S100Z: variants seen among roughly 807,000 people sequenced by gnomAD.
S100Z encodes S100 calcium binding protein Z.
S100Z carries 11 observed loss-of-function variants against 8.5 expected under a neutral mutation model. The observed-to-expected ratio is 1.30, with a 90% CI of 0.82 to 2.15. S100Z has a LOEUF of 2.15. Ranked by LOEUF, S100Z falls within the 30% of genes most tolerant of loss-of-function variation. The pLI is 0.00. For missense variants in S100Z, 126 were observed against 117.9 expected (o/e 1.07, Z -0.32); for synonymous variants, 34 against 43.8 (o/e 0.78, Z 0.89).
intron 1 of S100Z, among the ~76,000 whole-genome samples, chr5:76,862,124 A>AGTGT (rs374825870): frequency 0.33 from 45,659 of 138,280 alleles, 7,254 homozygotes; most frequent in South Asian, 0.5. Context: ...AGGGATAAGG[A>AGTGT]GTGTGCGTGT....
intron 4 of S100Z, among the ~76,000 whole-genome samples, chr5:76,913,717 C>T (rs1393801349): frequency 6.6e-6 from 1 of 152,240 alleles, no homozygotes; most frequent in East Asian, 1.9e-4. Context: ...TCTTCGGCGG[C>T]AGTGACTCTC....
chr5:76,903,875 C>T (rs1176710560), intron 4 of S100Z, among the ~76,000 whole-genome samples: 1 of 151,688 alleles, frequency 6.6e-6, no homozygotes, highest in African/African-American at 2.4e-5. Context: ...CAGGCGCCCG[C>T]CACCACGCCT....
intron 4 of S100Z, among the ~76,000 whole-genome samples, chr5:76,889,581 G>A (rs901974448): frequency 6.6e-6 from 1 of 152,168 alleles, no homozygotes; most frequent in African/African-American, 2.4e-5. Flanking sequence ...TATTAACACA[G>A]AGAAATAAAT....
At chr5:76,852,059 TAA>T (rs200830665) in intron 1 of S100Z, among the ~76,000 whole-genome samples, 19,299 of 145,290 alleles carry the variant, frequency 0.13, 2,705 homozygotes, top group African/African-American at 0.36. Flanking sequence ...CTTTTTCTTT[TAA>T]AAAAAAAAAA....
At chr5:76,908,541 C>G (rs1744537588) in intron 4 of S100Z, among the ~76,000 whole-genome samples, 1 of 152,204 alleles carries the variant, frequency 6.6e-6, no homozygotes, top group Non-Finnish European at 1.5e-5. Flanking sequence ...CTCCTTTTGG[C>G]ACCTGGGCTC....
chr5:76,854,919 T>C (rs898675434), intron 1 of S100Z, among the ~76,000 whole-genome samples: 1 of 152,234 alleles, frequency 6.6e-6, no homozygotes, highest in African/African-American at 2.4e-5. Flanking sequence ...GTAAGCAGGC[T>C]TGGGACACTG....
downstream of S100Z, among the ~76,000 whole-genome samples, chr5:76,923,352 A>G (rs192461445): frequency 9.8e-5 from 15 of 152,298 alleles, no homozygotes; most frequent in East Asian, 2.9e-3. Context: ...TCTATCACCT[A>G]TATCTCCATC....
At chr5:76,907,568 G>C (rs1413690960) in intron 4 of S100Z, among the ~76,000 whole-genome samples, 1 of 152,192 alleles carries the variant, frequency 6.6e-6, no homozygotes, top group African/African-American at 2.4e-5. Flanking sequence ...CTCCCAAAGT[G>C]CTGGGATTAC....
chr5:76,871,618 G>C (rs961772129), intron 2 of S100Z, among the ~76,000 whole-genome samples: 2 of 148,760 alleles, frequency 1.3e-5, no homozygotes, highest in African/African-American at 5.0e-5. Flanking sequence ...CACCTCCCAA[G>C]TTCAAGTGAT....
chr5:76,895,566 G>A (rs556881071), intron 4 of S100Z, among the ~76,000 whole-genome samples: 88 of 151,860 alleles, frequency 5.8e-4, no homozygotes, highest in African/African-American at 1.9e-3. Flanking sequence ...AAAATTTTTT[G>A]TGGGTATATA....
chr5:76,861,935 AT>A (rs920212484), intron 1 of S100Z, among the ~76,000 whole-genome samples: 2 of 151,276 alleles, frequency 1.3e-5, no homozygotes, highest in East Asian at 1.9e-4. Flanking sequence ...ATGGTTAGGG[AT>A]TTTTTTTTCC....
At chr5:76,875,723 G>A (rs1200235076) in intron 3 of S100Z, among the ~76,000 whole-genome samples, 1 of 152,132 alleles carries the variant, frequency 6.6e-6, no homozygotes, top group Non-Finnish European at 1.5e-5. Flanking sequence ...TTTCTAAGTG[G>A]TAAAAATTGT....
intron 4 of S100Z, among the ~76,000 whole-genome samples, chr5:76,909,694 C>G (rs1744581750): frequency 6.6e-6 from 1 of 152,178 alleles, no homozygotes; most frequent in Admixed American, 6.5e-5. Context: ...CCCCTTCAAG[C>G]TGTAGGGGGA....
At chr5:76,877,207 T>G (rs1449634380) in intron 3 of S100Z, among the ~76,000 whole-genome samples, 1 of 152,228 alleles carries the variant, frequency 6.6e-6, no homozygotes, top group African/African-American at 2.4e-5. Flanking sequence ...AAAAGTGTGA[T>G]GAAGTATCCC....
At chr5:76,904,332 T>C (rs1251802339) in intron 4 of S100Z, among the ~76,000 whole-genome samples, 1 of 151,984 alleles carries the variant, frequency 6.6e-6, no homozygotes, top group Admixed American at 6.6e-5. Context: ...GTAGCTGGAG[T>C]GCATTGGCAT....
chr5:76,919,447 T>C (rs963472422), intron 4 of S100Z, among the ~76,000 whole-genome samples: 6 of 152,180 alleles, frequency 3.9e-5, no homozygotes, highest in African/African-American at 1.2e-4. Flanking sequence ...ACATATTTTG[T>C]GGAGGATCTT....
chr5:76,947,231 G>A, the S100Z span, among the ~76,000 whole-genome samples: 7 of 151,414 alleles, frequency 4.6e-5, no homozygotes, highest in Non-Finnish European at 7.4e-5. Flanking sequence ...AGAAGTCTTC[G>A]TGTCCTGATA....
rs143863343 is a variant in S100Z, at chr5:76,859,458, C to A, written c.-176+9303C>A. On this transcript the variant is annotated intron_variant, in intron 1 of 4. Transcript: ENST00000317593. ...AAAGCAAATAATGCAGGATCTTTAC[C>A]CTCAGGACCGCATCCAGCTCTGTTT... 4.3e-3 allele frequency among the ~76,000 whole-genome samples: 652 copies of A among 152,110 alleles called. 4 individuals are homozygous for A. The highest frequency in any genetic ancestry group is 0.014 in the African/African-American group (582 of 41,516).
intron 4 of S100Z, among the ~76,000 whole-genome samples, chr5:76,902,077 A>C (rs536398269): frequency 2.6e-5 from 4 of 152,182 alleles, no homozygotes; most frequent in African/African-American, 9.6e-5. Flanking sequence ...CTGAGCTGGT[A>C]TTCAAGACTC....
Sources: gnomAD v4.1 joint callset for allele counts (sites outside exome capture counted in the v4.1 genomes callset) on GRCh38, gnomAD v4.1.1 for gene constraint, MANE v1.5 for transcripts, NCBI Gene and HGNC (gene_info 2026-07-23, HGNC 2026-07-21) for gene names.